SORCS1: variants seen among roughly 807,000 people sequenced by gnomAD.
The protein encoded by SORCS1 is sortilin related VPS10 domain containing receptor 1.
SORCS1 carries 60 observed loss-of-function variants against 146.1 expected under a neutral mutation model. That is an observed-to-expected ratio of 0.41 (90% CI 0.33 to 0.51). The LOEUF (loss-of-function observed/expected upper bound fraction) is 0.51, where lower values mean the gene tolerates loss of function less well. SORCS1 is among the 20% of genes least tolerant of loss of function. SORCS1 has a pLI of 0.21. For missense variants in SORCS1, 1,352 were observed against 1,487.6 expected, an observed-to-expected ratio of 0.91 and a Z score of 1.50; for synonymous variants, 637 against 584.0, an observed-to-expected ratio of 1.09 and a Z score of -1.31.
In SORCS1 at chr10:106,776,561, C is replaced by A. The variant is rs150153899; in HGVS notation, c.858G>T (p.Trp286Cys). 8.1e-6 allele frequency: 13 copies of A among 1,613,902 alleles called. No individual in the cohort carries two copies. The African/African-American group carries it at 1.2e-4, about 15-fold the overall frequency. The change falls in exon 4 of 26, where the codon TGG becomes TGT. Residue 286 changes from tryptophan to cysteine, a missense_variant. This residue lies in a region of SORCS1 where 490 missense variants were observed against 489.1 expected (regional missense o/e 1.00). Coordinates refer to ENST00000263054, the MANE Select transcript of SORCS1 (RefSeq NM_052918.5). Reference sequence around the variant, plus strand: ...TTTGGTCTTGACTGTATGCCAGAATCCAGTCTTCTTGTTTGGGGTGAAAAA... The same window carrying A: ...TTTGGTCTTGACTGTATGCCAGAATACAGTCTTCTTGTTTGGGGTGAAAAA... ...SLLFHPKQED[W>C]ILAYSQDQKL...
At chr10:106,805,600 C>T (rs1056075751) in intron 3 of SORCS1, among the ~76,000 whole-genome samples, 1 of 152,086 alleles carries the variant, frequency 6.6e-6, no homozygotes, top group Non-Finnish European at 1.5e-5. Context: ...GACAAGTTGC[C>T]CAAGGCCACC....
intron 1 of SORCS1, among the ~76,000 whole-genome samples, chr10:107,076,837 A>C (rs1423108986): frequency 2.0e-5 from 3 of 152,132 alleles, no homozygotes; most frequent in South Asian, 4.1e-4. Context: ...CACATTTTAC[A>C]ATGTTGTAGG....
At chr10:106,864,994 A>T (rs1950175454) in intron 2 of SORCS1, among the ~76,000 whole-genome samples, 1 of 151,924 alleles carries the variant, frequency 6.6e-6, no homozygotes, top group Non-Finnish European at 1.5e-5. Flanking sequence ...CCTCCCTGAG[A>T]CAGCTCCCAG....
At chr10:107,127,088 G>T (rs1245428322) in intron 1 of SORCS1, among the ~76,000 whole-genome samples, 2 of 151,792 alleles carry the variant, frequency 1.3e-5, no homozygotes, top group East Asian at 3.9e-4. Flanking sequence ...TTTGTGGCAG[G>T]CTGATTATTC....
rs111740253 is a variant in SORCS1, at chr10:106,701,911, C to G, written c.1234-2518G>C. ...TAGTGCCTGGCACTTAGCATATGCT[C>G]TAGGTATGTTAGCTACTCTCAGTTA... On this transcript the variant is annotated intron_variant, in intron 8 of 25. Coordinates refer to ENST00000263054, the MANE Select transcript of SORCS1 (RefSeq NM_052918.5). Among the ~76,000 whole-genome samples, 1,285 of 152,276 alleles carry G rather than the reference C, an allele frequency of 8.4e-3. 20 individuals are homozygous for G. The highest frequency in any genetic ancestry group is 0.029 in the African/African-American group (1,222 of 41,556).
At chr10:106,633,674 C>T (rs200983430) in intron 18 of SORCS1, among the ~76,000 whole-genome samples, 1 of 92,742 alleles carries the variant, frequency 1.1e-5, no homozygotes, top group Non-Finnish European at 2.0e-5. Flanking sequence ...ATTAAACAAA[C>T]AAACAAACAA....
intron 24 of SORCS1, among the ~76,000 whole-genome samples, chr10:106,581,294 C>A (rs181863061): frequency 6.7e-6 from 1 of 150,130 alleles, no homozygotes; most frequent in Non-Finnish European, 1.5e-5. Flanking sequence ...AATGGAAGAA[C>A]CAAGACTTGA....
rs1164977496 is a variant in SORCS1, at chr10:106,929,614, G to A, written c.626+26899C>T. 2.0e-5 allele frequency among the ~76,000 whole-genome samples: 3 copies of A among 152,148 alleles called. No individual in the cohort carries two copies. In the East Asian group the frequency reaches 5.8e-4, roughly 29 times the overall value. On this transcript the variant is annotated intron_variant, in intron 2 of 25. Transcript: ENST00000263054. ...AAACGCCTACATTGCAGGCTTTCTG[G>A]TTCATTTTCCCTCCATTGTTTTAGT...
rs143027855 is a variant in SORCS1, at chr10:106,581,025, C to G, written c.3266-1551G>C. ...TGGGGTCCCACTGCCGTGGAACGCC[C>G]AAGGCAAATTTTCTTTTGGTTCAAA... is the stretch of plus-strand genomic sequence containing the variant. On this transcript the variant is annotated intron_variant, in intron 24 of 25. Coordinates refer to ENST00000263054, the MANE Select transcript of SORCS1 (RefSeq NM_052918.5). 5.9e-4 allele frequency among the ~76,000 whole-genome samples: 90 copies of G among 152,226 alleles called. No individual in the cohort carries two copies. The East Asian group carries it at 0.017, about 28-fold the overall frequency.
intron 1 of SORCS1, among the ~76,000 whole-genome samples, chr10:106,996,711 G>A (rs1020742539): frequency 2.0e-5 from 3 of 152,188 alleles, no homozygotes; most frequent in African/African-American, 7.2e-5. Flanking sequence ...CAAGAAAAGT[G>A]CTGATCATTC....
chr10:106,850,586 C>T (rs899433175), intron 2 of SORCS1, among the ~76,000 whole-genome samples: 1 of 152,192 alleles, frequency 6.6e-6, no homozygotes, highest in Non-Finnish European at 1.5e-5. Flanking sequence ...GGAGCTGTTC[C>T]TATTCGGCCA....
At chr10:106,825,502 G>A (rs1290956379) in intron 3 of SORCS1, among the ~76,000 whole-genome samples, 1 of 151,846 alleles carries the variant, frequency 6.6e-6, no homozygotes, top group Non-Finnish European at 1.5e-5. Context: ...TCAATCTCCT[G>A]ACCTCGTGAT....
Position 107,164,331 on chromosome 10 carries a change from G to A in SORCS1, c.196C>T (p.Pro66Ser), listed in dbSNP as rs773924138. 1.3e-6 allele frequency: 2 copies of A among 1,547,984 alleles called. No homozygotes were observed. Among genetic ancestry groups the A allele is most frequent in the African/African-American group, 2.7e-5 (2 of 73,432 alleles). The change falls in exon 1 of 26, where the codon CCT (proline) becomes TCT (serine). Residue 66 changes from proline to serine, a missense_variant. Physicochemically the swap from Pro to Ser is moderately conservative, Grantham distance 74. Around this residue, in one of 3 missense-constraint regions of SORCS1, gnomAD observed 490 missense variants for 489.1 expected, o/e 1.00. Coordinates refer to ENST00000263054, the MANE Select transcript of SORCS1 (RefSeq NM_052918.5). This position sits in a 1 kb window ranked among gnomAD's most constrained non-coding sequence, Gnocchi z 6.8. Reference sequence around the variant, plus strand: ...ACTACGAGGGGCAGGGGCGTGGCAGGAGCCCTGCCTGGCCGCCCCTGGTGG... The same window carrying A: ...ACTACGAGGGGCAGGGGCGTGGCAGAAGCCCTGCCTGGCCGCCCCTGGTGG... ...FSHQGRPGRA[P>S]ATPLPLVVRP...
rs767287457 is a variant in SORCS1 at position 107,131,503 on chromosome 10, AC to A, written c.558+32465del. 1.2e-4 allele frequency among the ~76,000 whole-genome samples: 19 copies of A among 152,248 alleles called. No homozygotes were observed. The East Asian group carries it at 2.7e-3, about 22-fold the overall frequency. ...TTTGGGAGGCCAAGGTGGGTGGATT[AC>A]CTGAGGTGAGGAATTTGAGACCAGC... On this transcript the variant is annotated intron_variant, in intron 1 of 25. Coordinates refer to ENST00000263054, the MANE Select transcript of SORCS1 (RefSeq NM_052918.5).
intron 1 of SORCS1, among the ~76,000 whole-genome samples, chr10:107,070,716 T>C (rs560790635): frequency 1.2e-4 from 18 of 152,216 alleles, no homozygotes; most frequent in African/African-American, 3.9e-4. Flanking sequence ...TGTAGCAAAA[T>C]TTCACAGTAA....
chr10:106,606,390 G>T (rs1466150847), intron 23 of SORCS1, among the ~76,000 whole-genome samples: 1 of 151,994 alleles, frequency 6.6e-6, no homozygotes, highest in African/African-American at 2.4e-5. Context: ...AGTTGCTCGG[G>T]AGCTAATGTT....
chr10:106,917,360 A>C (rs1952495204), intron 2 of SORCS1, among the ~76,000 whole-genome samples: 1 of 152,216 alleles, frequency 6.6e-6, no homozygotes, highest in South Asian at 2.1e-4. Flanking sequence ...GTTGGTGCTC[A>C]GTAAGTACTG....
At chr10:107,119,417 G>A (rs1966251172) in intron 1 of SORCS1, among the ~76,000 whole-genome samples, 1 of 152,194 alleles carries the variant, frequency 6.6e-6, no homozygotes, top group Non-Finnish European at 1.5e-5. Context: ...AGAGTCTCTA[G>A]CAGTAATCCA....
intron 1 of SORCS1, among the ~76,000 whole-genome samples, chr10:107,111,158 A>G (rs1431000712): frequency 6.6e-6 from 1 of 152,254 alleles, no homozygotes; most frequent in Non-Finnish European, 1.5e-5. Flanking sequence ...GGCTACAGCG[A>G]TAACAACAAA....
Sources: allele counts gnomAD v4.1 joint callset (sites outside exome capture counted in the v4.1 genomes callset), GRCh38; gene constraint gnomAD v4.1.1; regional missense constraint gnomAD v4.1.1; non-coding constraint Gnocchi (gnomAD v3.1); transcripts MANE v1.5; gene names NCBI Gene and HGNC (gene_info 2026-07-23, HGNC 2026-07-21).